The following RIMS2 variants were observed in gnomAD, a reference collection of about 807,000 sequenced individuals.
The protein encoded by RIMS2 is regulating synaptic membrane exocytosis protein 2.
A neutral mutation model predicts 174.4 loss-of-function variants in RIMS2; 59 were observed. That is an observed-to-expected ratio of 0.34 (90% CI 0.27 to 0.42). RIMS2 has a LOEUF of 0.42. Among genes scored for constraint, RIMS2 ranks in the 10% least tolerant of loss-of-function variants. RIMS2 has a pLI of 1.00. For synonymous variants in RIMS2, 606 were observed against 572.5 expected (o/e 1.06, Z -0.84); for missense variants, 1,620 against 1,666.3 (o/e 0.97, Z 0.48).
intron 1 of RIMS2, among the ~76,000 whole-genome samples, chr8:103,558,276 AGTGGC>A (rs1410864177): frequency 2.0e-5 from 3 of 152,158 alleles, no homozygotes; most frequent in Non-Finnish European, 2.9e-5. Context: ...GCTGGAGTGC[AGTGGC>A]GTGACTCTCG....
At chr8:103,614,346 A>T (rs2095456689) in intron 1 of RIMS2, among the ~76,000 whole-genome samples, 1 of 152,238 alleles carries the variant, frequency 6.6e-6, no homozygotes, top group African/African-American at 2.4e-5. Context: ...AATGTCCCCC[A>T]GTCACTATGC....
chr8:103,981,228 G>C (rs960793053), intron 16 of RIMS2, among the ~76,000 whole-genome samples: 3 of 152,184 alleles, frequency 2.0e-5, no homozygotes, highest in Non-Finnish European at 4.4e-5. Flanking sequence ...AGGCAGCTCA[G>C]CAGAGAGAGA....
chr8:104,000,779 G>T (rs1307089916), intron 17 of RIMS2, among the ~76,000 whole-genome samples: 1 of 151,830 alleles, frequency 6.6e-6, no homozygotes, highest in Non-Finnish European at 1.5e-5. Context: ...ATATCTCATT[G>T]TGGTTTTGAT....
intron 2 of RIMS2, among the ~76,000 whole-genome samples, chr8:103,711,068 A>G (rs1271791358): frequency 6.6e-6 from 1 of 152,258 alleles, no homozygotes; most frequent in African/African-American, 2.4e-5. Context: ...TTTTAGTAGC[A>G]TATTCTTAAA....
intron 1 of RIMS2, among the ~76,000 whole-genome samples, chr8:103,653,773 G>T (rs1028837260): frequency 2.0e-5 from 3 of 152,030 alleles, no homozygotes; most frequent in African/African-American, 7.2e-5. Flanking sequence ...TGAAGTAAAA[G>T]TATGATATGT....
At chr8:103,727,104 T>A (rs1432689151) in intron 2 of RIMS2, among the ~76,000 whole-genome samples, 1 of 151,980 alleles carries the variant, frequency 6.6e-6, no homozygotes, top group African/African-American at 2.4e-5. Context: ...TACTTATTTT[T>A]ATATAGAAAG....
intron 19 of RIMS2, among the ~76,000 whole-genome samples, chr8:104,221,255 C>T (rs1044085727): frequency 3.3e-5 from 5 of 152,038 alleles, no homozygotes; most frequent in South Asian, 2.1e-4. Flanking sequence ...TACATACGTG[C>T]GCACACACAT....
In RIMS2 at chr8:103,766,036, T is replaced by C. The variant is rs190057544; in HGVS notation, c.388-191T>C. Among the ~76,000 whole-genome samples the C allele has an allele frequency of 2.4e-4, 36 of 152,288 alleles. No individual in the cohort carries two copies. In the East Asian group the frequency reaches 6.4e-3, roughly 27 times the overall value. ...CTGTGGTCAATAAATATTGACTATT[T>C]CATTAGAATTATTCAGAAAAATTAA... On this transcript the variant is annotated intron_variant, in intron 2 of 23. Coordinates refer to ENST00000504942, the Ensembl canonical transcript of RIMS2.
rs1046238434 is a variant in RIMS2 at position 104,242,007 on chromosome 8, G to A, written c.3335-2909G>A. Among the ~76,000 whole-genome samples the A allele has an allele frequency of 2.6e-5, 4 of 152,238 alleles. No individual in the cohort carries two copies. The East Asian group carries it at 7.7e-4, about 29-fold the overall frequency. ...ACTCCTGGCCTCAAGTGATCTGCCT[G>A]CCTTAGCCTCCCAAAGTGCTGGGAT... On this transcript the variant is annotated intron_variant, in intron 19 of 23. Coordinates refer to ENST00000504942, the Ensembl canonical transcript of RIMS2.
chr8:104,251,944 T>C (rs1289016218), downstream of RIMS2: 12 of 653,846 alleles, frequency 1.8e-5, no homozygotes, highest in South Asian at 1.9e-4. Flanking sequence ...TTTCTAGGGA[T>C]ACAAAGCAAT....
At chr8:103,726,812 A>G (rs1024950831) in intron 2 of RIMS2, among the ~76,000 whole-genome samples, 1 of 150,106 alleles carries the variant, frequency 6.7e-6, no homozygotes, top group African/African-American at 2.4e-5. Flanking sequence ...GGCTCACTGC[A>G]ACTTCTGTCT....
intron 4 of RIMS2, among the ~76,000 whole-genome samples, chr8:103,895,807 C>T (rs73293857): frequency 1.3e-5 from 2 of 151,334 alleles, no homozygotes; most frequent in African/African-American, 4.9e-5. Context: ...CTTTCTTGGA[C>T]TTAAAATGTA....
chr8:103,663,815 C>T (rs938335155), intron 1 of RIMS2, among the ~76,000 whole-genome samples: 13 of 152,058 alleles, frequency 8.5e-5, no homozygotes, highest in African/African-American at 2.4e-4. Flanking sequence ...AAAAAGAGCC[C>T]GCATAGCCAA....
At position 103,876,880 on chromosome 8, in the gene RIMS2, A is replaced by AT. The variant is rs1172606971; in HGVS notation, c.699-8417dup. Among the ~76,000 whole-genome samples the AT allele has an allele frequency of 8.3e-3, 298 of 35,702 alleles. 4 individuals are homozygous for AT. The highest frequency in any genetic ancestry group is 0.028 in the Middle Eastern group (2 of 72). 23.4% of individuals were successfully genotyped at this position (35,702 alleles called of 152,430 possible). A position where few individuals can be genotyped will look rare whatever the true frequency, so the allele number is the denominator to read the frequency against. ...CACACTATTTTATATATATATATAT[A>AT]TATATATATATATATATATATATAT... On this transcript the variant is annotated intron_variant, in intron 3 of 23. Transcript: ENST00000504942.
exon 24 of RIMS2, chr8:104,251,855 GTT>G: frequency 1.3e-6 from 1 of 766,846 alleles, no homozygotes; most frequent in Admixed American, 4.0e-5. Context: ...AGCAACCAGC[GTT>G]ACAAAAAAAA....
At chr8:103,677,061 T>A (rs1020021660) in intron 1 of RIMS2, among the ~76,000 whole-genome samples, 6 of 152,300 alleles carry the variant, frequency 3.9e-5, no homozygotes, top group South Asian at 2.1e-4. Context: ...TTACCTTTAG[T>A]CAGATTTTGC....
At chr8:103,555,585 T>C (rs899416178) in intron 1 of RIMS2, among the ~76,000 whole-genome samples, 3 of 152,114 alleles carry the variant, frequency 2.0e-5, no homozygotes, top group Non-Finnish European at 4.4e-5. Flanking sequence ...TGTGGCATTA[T>C]TCGCAATTCC....
At chr8:103,690,559 T>A (rs1159674867) in intron 1 of RIMS2, among the ~76,000 whole-genome samples, 1 of 152,206 alleles carries the variant, frequency 6.6e-6, no homozygotes, top group Non-Finnish European at 1.5e-5. Context: ...CTGCATAAAC[T>A]AATAAGCAAA....
chr8:103,578,496 A>T (rs2093401380), intron 1 of RIMS2, among the ~76,000 whole-genome samples: 1 of 152,004 alleles, frequency 6.6e-6, no homozygotes, highest in South Asian at 2.1e-4. Context: ...GTAACACTGC[A>T]CTCCAGCCTG....
Sources: gnomAD v4.1 joint callset for allele counts (sites outside exome capture counted in the v4.1 genomes callset) on GRCh38, gnomAD v4.1.1 for gene constraint, MANE v1.5 for transcripts, NCBI Gene and HGNC (gene_info 2026-07-23, HGNC 2026-07-21) for gene names.